PTPRN2: variants seen among roughly 807,000 people sequenced by gnomAD.
The protein encoded by PTPRN2 is receptor-type tyrosine-protein phosphatase N2.
PTPRN2 carries 74 observed loss-of-function variants against 118.8 expected under a neutral mutation model. That is an observed-to-expected ratio of 0.62 (90% confidence interval 0.52 to 0.76). The LOEUF is 0.76. PTPRN2 is among the 30% of genes least tolerant of loss of function. PTPRN2 has a pLI of 0.00. For missense variants in PTPRN2, 1,481 were observed against 1,394.4 expected (o/e 1.06, Z -0.99); for synonymous variants, 641 against 608.0 (o/e 1.05, Z -0.80).
rs1563240554 is a variant in PTPRN2, at chr7:157,591,249, C to T, written c.2496+3989G>A. On this transcript the variant is annotated intron_variant, in intron 17 of 22. Transcript: ENST00000389418. The surrounding 1 kb of genome is among the most constrained non-coding windows in gnomAD (Gnocchi z 4.4). Reference sequence around the variant, plus strand: ...ATCTTTCCCATCACGGCCTTTCTCACGCTCACACTTTCTTCCTGGAATTTG... The same window carrying T: ...ATCTTTCCCATCACGGCCTTTCTCATGCTCACACTTTCTTCCTGGAATTTG... 6.6e-6 allele frequency among the ~76,000 whole-genome samples: 1 copy of T among 152,172 alleles called. No individual in the cohort carries two copies. Among genetic ancestry groups the T allele is most frequent in the Non-Finnish European group, 1.5e-5 (1 of 68,036 alleles).
chr7:157,625,364 CTG>C (rs1803501971), intron 14 of PTPRN2, among the ~76,000 whole-genome samples: 2 of 152,154 alleles, frequency 1.3e-5, no homozygotes, highest in Admixed American at 6.5e-5. Context: ...GATAAGGAAA[CTG>C]TGGTACATAC....
At chr7:157,976,244 G>C in intron 11 of PTPRN2, among the ~76,000 whole-genome samples, 1 of 152,218 alleles carries the variant, frequency 6.6e-6, no homozygotes, top group East Asian at 1.9e-4. Flanking sequence ...TCTGATGTGA[G>C]GTGCTCGGCG....
chr7:157,820,339 A>G (rs2151138151), intron 12 of PTPRN2, among the ~76,000 whole-genome samples: 1 of 145,082 alleles, frequency 6.9e-6, no homozygotes, highest in African/African-American at 2.6e-5. Flanking sequence ...ACACAGTCAC[A>G]TATGCACTCA....
chr7:157,827,708 G>A (rs1807277837), intron 12 of PTPRN2, among the ~76,000 whole-genome samples: 1 of 152,198 alleles, frequency 6.6e-6, no homozygotes, highest in African/African-American at 2.4e-5. Context: ...AGGTGCTGGG[G>A]TGCCTTGGAG....
chr7:158,074,020 G>A (rs1315915035), intron 11 of PTPRN2, among the ~76,000 whole-genome samples: 1 of 152,212 alleles, frequency 6.6e-6, no homozygotes, highest in Admixed American at 6.5e-5. Flanking sequence ...TACGTGTCCT[G>A]GCCACAGCCG....
chr7:158,211,232 C>T (rs1827576582), intron 3 of PTPRN2, among the ~76,000 whole-genome samples: 1 of 152,162 alleles, frequency 6.6e-6, no homozygotes, highest in Non-Finnish European at 1.5e-5. Context: ...AAAGAAAACA[C>T]TGGGAAAACT....
intron 11 of PTPRN2, among the ~76,000 whole-genome samples, chr7:157,900,556 C>G (rs1049505824): frequency 3.9e-5 from 6 of 152,212 alleles, no homozygotes; most frequent in Non-Finnish European, 7.3e-5. Context: ...ACTTGCCTTG[C>G]TGGCCCTGAG....
chr7:158,343,501 G>C (rs1326195684), intron 2 of PTPRN2, among the ~76,000 whole-genome samples: 2 of 152,238 alleles, frequency 1.3e-5, no homozygotes, highest in Non-Finnish European at 2.9e-5. Context: ...AAGCACACGG[G>C]AAAAGTTCAA....
chr7:157,542,451 C>T (rs536066061), intron 22 of PTPRN2, among the ~76,000 whole-genome samples: 11 of 151,108 alleles, frequency 7.3e-5, no homozygotes, highest in South Asian at 6.2e-4. Context: ...AATAGAGAAG[C>T]GCTGCCGCCC....
At chr7:158,319,825 TCA>T (rs1563133005) in intron 2 of PTPRN2, among the ~76,000 whole-genome samples, 1 of 3,714 alleles carries the variant, frequency 2.7e-4, no homozygotes, top group African/African-American at 1.9e-3. Context: ...TCACACACAC[TCA>T]GTCTCCCTCA....
At chr7:158,395,101 C>T (rs953182703) in intron 2 of PTPRN2, among the ~76,000 whole-genome samples, 33 of 152,248 alleles carry the variant, frequency 2.2e-4, no homozygotes, top group Non-Finnish European at 4.4e-4. Context: ...TTCCCGCCAG[C>T]CTGAGTAAGT....
At chr7:157,855,432 TG>T (rs1809638717) in intron 12 of PTPRN2, among the ~76,000 whole-genome samples, 1 of 152,226 alleles carries the variant, frequency 6.6e-6, no homozygotes, top group Non-Finnish European at 1.5e-5. Context: ...ACGAAACCTC[TG>T]GGGACCTTTT....
At chr7:158,316,490 G>A (rs1004556373) in intron 3 of PTPRN2, among the ~76,000 whole-genome samples, 6 of 152,122 alleles carry the variant, frequency 3.9e-5, no homozygotes, top group East Asian at 1.9e-4. Context: ...TCTCCAGGCC[G>A]AGCCACGCCT....
At chr7:158,187,244 G>A (rs1222791916) in intron 5 of PTPRN2, among the ~76,000 whole-genome samples, 2 of 152,178 alleles carry the variant, frequency 1.3e-5, no homozygotes, top group Non-Finnish European at 2.9e-5. Flanking sequence ...CTGTTATGAC[G>A]TCACCAGCAT....
At chr7:157,766,578 G>A (rs367665436) in intron 12 of PTPRN2, among the ~76,000 whole-genome samples, 100 of 152,380 alleles carry the variant, frequency 6.6e-4, no homozygotes, top group African/African-American at 2.2e-3. Flanking sequence ...CTATCCTAGA[G>A]AATTGCTGGC....
At chr7:158,439,180 A>C (rs1294781353) in intron 2 of PTPRN2, among the ~76,000 whole-genome samples, 2 of 152,138 alleles carry the variant, frequency 1.3e-5, no homozygotes, top group African/African-American at 4.8e-5. Context: ...TTGACGTCTC[A>C]TGTCTCCCTA....
At chr7:158,071,706 G>T (rs868093959) in intron 11 of PTPRN2, among the ~76,000 whole-genome samples, 98 of 133,910 alleles carry the variant, frequency 7.3e-4, no homozygotes, top group South Asian at 2.1e-3. Context: ...TGTGGTGGAG[G>T]TGCTCCTGGT....
intron 4 of PTPRN2, among the ~76,000 whole-genome samples, chr7:158,204,297 C>A (rs569159599): frequency 2.6e-5 from 4 of 152,190 alleles, no homozygotes; most frequent in Non-Finnish European, 2.9e-5. Context: ...AGGAAAGAGG[C>A]AACCCGCGCC....
At chr7:157,595,887 G>A (rs1404535806) in intron 16 of PTPRN2, among the ~76,000 whole-genome samples, 1 of 152,222 alleles carries the variant, frequency 6.6e-6, no homozygotes, top group Admixed American at 6.5e-5. Flanking sequence ...GGTTCTAAGA[G>A]CAGCATCAAC....
Sources: gnomAD v4.1 joint callset for allele counts (sites outside exome capture counted in the v4.1 genomes callset) on GRCh38, gnomAD v4.1.1 for gene constraint, Gnocchi (gnomAD v3.1) non-coding constraint, MANE v1.5 for transcripts, NCBI Gene and HGNC (gene_info 2026-07-23, HGNC 2026-07-21) for gene names.